The following MBP variants were observed in gnomAD, a reference collection of about 807,000 sequenced individuals.
MBP encodes the protein myelin basic protein, also known as Golli-MBP.
A neutral mutation model predicts 35.8 loss-of-function variants in MBP; 16 were observed. The observed-to-expected ratio is 0.45, with a 90% CI of 0.30 to 0.68. The LOEUF (loss-of-function observed/expected upper bound fraction) is 0.68, where lower values mean the gene tolerates loss of function less well. MBP is among the 30% of genes least tolerant of loss of function. MBP has a pLI of 0.08. For synonymous variants in MBP, 143 were observed against 159.6 expected (o/e 0.90, Z 0.78); for missense variants, 380 against 404.7 (o/e 0.94, Z 0.52).
chr18:77,068,283 C>A (rs1361029502), intron 2 of MBP, among the ~76,000 whole-genome samples: 1 of 152,176 alleles, frequency 6.6e-6, no homozygotes, highest in Admixed American at 6.5e-5. Context: ...CTGGGCCCAG[C>A]AGACGCCCCC....
chr18:77,098,907 A>C (rs1341978014), intron 2 of MBP, among the ~76,000 whole-genome samples: 1 of 151,354 alleles, frequency 6.6e-6, no homozygotes, highest in African/African-American at 2.4e-5. Context: ...AGCCTGACCC[A>C]CTACCCCCTC....
At chr18:77,018,312 A>T (rs936228359) in intron 3 of MBP, among the ~76,000 whole-genome samples, 15 of 135,426 alleles carry the variant, frequency 1.1e-4, no homozygotes, top group African/African-American at 4.1e-4. Flanking sequence ...ATCCATCCAC[A>T]TATCAGTCCA....
intron 2 of MBP, among the ~76,000 whole-genome samples, chr18:77,069,916 G>A (rs1430461837): frequency 1.3e-5 from 2 of 152,094 alleles, no homozygotes; most frequent in African/African-American, 4.8e-5. Context: ...GTTCTCTGAT[G>A]GTTCAACATC....
chr18:77,064,165 G>T (rs1003647019), intron 3 of MBP, among the ~76,000 whole-genome samples: 23 of 152,282 alleles, frequency 1.5e-4, no homozygotes, highest in African/African-American at 5.5e-4. Context: ...TCATCTAAAT[G>T]AATTTTTATT....
At chr18:77,081,912 C>T (rs749384950) in intron 2 of MBP, among the ~76,000 whole-genome samples, 2 of 149,538 alleles carry the variant, frequency 1.3e-5, no homozygotes, top group East Asian at 2.0e-4. Context: ...AGTGCAGTGG[C>T]ATGATCTTGG....
chr18:77,059,890 T>C (rs1196709513), intron 3 of MBP, among the ~76,000 whole-genome samples: 1 of 152,220 alleles, frequency 6.6e-6, no homozygotes, highest in Non-Finnish European at 1.5e-5. Context: ...AAGTGTGGCA[T>C]GGGAGACAGG....
rs1969766040 is a variant in MBP at position 76,989,478 on chromosome 18, T to G, written c.681+478A>C. ...ACATACCCCGAACAGTTTCCCTTAT[T>G]AGCAACACTGCCTTAGGGCTCTCTC... On this transcript the variant is annotated intron_variant, in intron 5 of 8. Transcript: ENST00000355994. This position sits in a 1 kb window ranked among gnomAD's most constrained non-coding sequence, Gnocchi z 4.0. 6.6e-6 allele frequency among the ~76,000 whole-genome samples: 1 copy of G among 152,140 alleles called. No individual in the cohort carries two copies. The highest frequency in any genetic ancestry group is 1.5e-5 in the Non-Finnish European group (1 of 68,012).
chr18:77,047,530 G>C (rs1973308287), intron 3 of MBP, among the ~76,000 whole-genome samples: 1 of 152,194 alleles, frequency 6.6e-6, no homozygotes, highest in African/African-American at 2.4e-5. Context: ...GTTCTTGCTG[G>C]GGTGGTGAAA....
At chr18:77,104,601 A>C (rs2145130116) in intron 2 of MBP, among the ~76,000 whole-genome samples, 1 of 152,356 alleles carries the variant, frequency 6.6e-6, no homozygotes, top group South Asian at 2.1e-4. Context: ...AGATGGAATT[A>C]GGTTTTTGAG....
chr18:77,052,414 C>G (rs575172807), intron 3 of MBP, among the ~76,000 whole-genome samples: 3 of 152,144 alleles, frequency 2.0e-5, no homozygotes, highest in Non-Finnish European at 4.4e-5. Flanking sequence ...CCGAGCTGGA[C>G]GCACGGCTGC....
chr18:77,085,195 TA>T (rs150323889), intron 2 of MBP, among the ~76,000 whole-genome samples: 4 of 149,162 alleles, frequency 2.7e-5, no homozygotes, highest in African/African-American at 7.4e-5. Context: ...TTCATATAAT[TA>T]AAAAAAAAAC....
At chr18:77,079,103 G>C (rs769789892) in intron 2 of MBP, among the ~76,000 whole-genome samples, 13 of 152,376 alleles carry the variant, frequency 8.5e-5, no homozygotes, top group African/African-American at 2.9e-4. Context: ...CAGCCTCAAG[G>C]CTGCAGAGTT....
In MBP at chr18:77,101,987, C is replaced by T. The variant is rs546863338; in HGVS notation, c.51+3224G>A. ...GCTGGGGATGCTCCAGGCTTAGAGA[C>T]GGAGGCATCAGAGAGAGGAAAGTTC... On this transcript the variant is annotated intron_variant, in intron 2 of 8. Coordinates refer to ENST00000355994, the MANE Select transcript of MBP (RefSeq NM_001025101.2). This position sits in a 1 kb window ranked among gnomAD's most constrained non-coding sequence, Gnocchi z 4.3. 7.9e-5 allele frequency among the ~76,000 whole-genome samples: 12 copies of T among 152,268 alleles called. No homozygotes were observed. Among genetic ancestry groups the T allele is most frequent in the South Asian group, 4.1e-4 (2 of 4,826 alleles).
At chr18:77,063,048 C>T (rs974368545) in intron 3 of MBP, among the ~76,000 whole-genome samples, 12 of 152,146 alleles carry the variant, frequency 7.9e-5, no homozygotes, top group Admixed American at 7.2e-4. Context: ...TCCCAACGTA[C>T]TGATGGGATT....
intron 4 of MBP, among the ~76,000 whole-genome samples, chr18:76,999,826 A>T (rs1310335344): frequency 5.9e-5 from 9 of 152,162 alleles, no homozygotes; most frequent in Non-Finnish European, 1.0e-4. Context: ...ACTAAGGTTT[A>T]AAAAAAGCCA....
At chr18:77,125,774 T>C (rs1418744506) in intron 1 of MBP, among the ~76,000 whole-genome samples, 1 of 151,872 alleles carries the variant, frequency 6.6e-6, no homozygotes, top group Non-Finnish European at 1.5e-5. Context: ...TTTTACTCGA[T>C]AAAATATGTA....
chr18:77,079,874 A>G (rs754674170), intron 2 of MBP, among the ~76,000 whole-genome samples: 62 of 152,296 alleles, frequency 4.1e-4, no homozygotes, highest in Non-Finnish European at 6.9e-4. Context: ...TAAATCTCAG[A>G]ATAGGGGAGG....
chr18:77,041,863 G>A (rs1973014695), intron 3 of MBP, among the ~76,000 whole-genome samples: 1 of 151,464 alleles, frequency 6.6e-6, no homozygotes, highest in African/African-American at 2.4e-5. Flanking sequence ...CACCAACATG[G>A]CACATGTATA....
chr18:77,052,564 G>A (rs527484348), intron 3 of MBP, among the ~76,000 whole-genome samples: 10 of 152,310 alleles, frequency 6.6e-5, no homozygotes, highest in South Asian at 2.1e-4. Flanking sequence ...TTTTATATTT[G>A]AAGGCCAGGA....
Sources: gnomAD v4.1 joint callset for allele counts (sites outside exome capture counted in the v4.1 genomes callset) on GRCh38, gnomAD v4.1.1 for gene constraint, Gnocchi (gnomAD v3.1) non-coding constraint, MANE v1.5 for transcripts, NCBI Gene and HGNC (gene_info 2026-07-23, HGNC 2026-07-21) for gene names.